CEP112: variants seen among roughly 807,000 people sequenced by gnomAD.
CEP112 encodes the protein centrosomal protein 112.
In CEP112, 127 loss-of-function variants were observed where a neutral mutation model predicts 153.0. That is an observed-to-expected ratio of 0.83 (90% CI 0.72 to 0.96). The LOEUF (loss-of-function observed/expected upper bound fraction) is 0.96, where lower values mean the gene tolerates loss of function less well. Ranked by LOEUF, CEP112 falls within the 40% of genes least tolerant of loss-of-function variation. CEP112 has a pLI of 0.00. For missense variants in CEP112, 1,089 were observed against 1,101.2 expected (o/e 0.99, Z 0.16); for synonymous variants, 358 against 374.4 (o/e 0.96, Z 0.51).
intron 18 of CEP112, among the ~76,000 whole-genome samples, chr17:65,940,191 C>A (rs555079187): frequency 6.6e-6 from 1 of 152,252 alleles, no homozygotes; most frequent in East Asian, 1.9e-4. Flanking sequence ...TGAGATATCA[C>A]TTCACAACTG....
chr17:66,146,252 G>C (rs952055040), intron 4 of CEP112, among the ~76,000 whole-genome samples: 8 of 152,080 alleles, frequency 5.3e-5, no homozygotes, highest in African/African-American at 1.9e-4. Context: ...CTGGGCTTAA[G>C]AGATTTGTGA....
At position 65,637,114 on chromosome 17, in the gene CEP112, T is replaced by A; in HGVS notation, c.2864+10A>T. On this transcript the variant is annotated intron_variant, in intron 26 of 26. Coordinates refer to ENST00000535342, the MANE Select transcript of CEP112 (RefSeq NM_001199165.4). ...AATCAGGAGACAAGACACCTGCTTATGGGCTGTACCTTCTGCCTTGATATG... is the reference window on the plus strand; with the variant it reads ...AATCAGGAGACAAGACACCTGCTTAAGGGCTGTACCTTCTGCCTTGATATG... 1.2e-6 allele frequency: 2 copies of A among 1,611,346 alleles called. No homozygotes were observed. Among genetic ancestry groups the A allele is most frequent in the African/African-American group, 2.7e-5 (2 of 75,006 alleles).
chr17:65,756,930 C>T (rs992684069), intron 21 of CEP112, among the ~76,000 whole-genome samples: 1 of 152,078 alleles, frequency 6.6e-6, no homozygotes, highest in Non-Finnish European at 1.5e-5. Context: ...TATGTTGCAA[C>T]CCTAAACCCC....
chr17:65,675,750 T>C (rs998748865), intron 24 of CEP112, among the ~76,000 whole-genome samples: 1 of 151,814 alleles, frequency 6.6e-6, no homozygotes, highest in Non-Finnish European at 1.5e-5. Flanking sequence ...ATGGGATTAA[T>C]TCCATGAATG....
intron 21 of CEP112, chr17:65,826,505 C>A: frequency 7.1e-7 from 1 of 1,412,004 alleles, no homozygotes; most frequent in Non-Finnish European, 9.2e-7. Context: ...AGTGACATCA[C>A]AACCACACTG....
At chr17:66,080,476 C>A (rs938650039) in intron 8 of CEP112, among the ~76,000 whole-genome samples, 5 of 152,142 alleles carry the variant, frequency 3.3e-5, no homozygotes, top group African/African-American at 1.2e-4. Context: ...CCACCTCACA[C>A]CAGTTAGAAT....
At chr17:65,805,784 C>T (rs1252782493) in intron 21 of CEP112, among the ~76,000 whole-genome samples, 1 of 152,110 alleles carries the variant, frequency 6.6e-6, no homozygotes, top group Non-Finnish European at 1.5e-5. Context: ...TTAATCCATC[C>T]ATGGTTTTAG....
At chr17:65,684,697 C>T (rs1304997051) in intron 24 of CEP112, among the ~76,000 whole-genome samples, 2 of 152,210 alleles carry the variant, frequency 1.3e-5, no homozygotes, top group African/African-American at 4.8e-5. Context: ...ACCCGAGTGA[C>T]AGATGGCATA....
chr17:65,956,429 C>CACACACACAT lies in CEP112; in HGVS notation c.1872+5033_1872+5034insATGTGTGTGT, dbSNP rs2062006517. Among the ~76,000 whole-genome samples the CACACACACAT allele has an allele frequency of 1.3e-5, 2 of 151,926 alleles. 1 individual carries two copies. Among genetic ancestry groups the CACACACACAT allele is most frequent in the South Asian group, 4.2e-4 (2 of 4,818 alleles). On this transcript the variant is annotated intron_variant, in intron 18 of 26. Coordinates refer to ENST00000535342, the MANE Select transcript of CEP112 (RefSeq NM_001199165.4). The stretch of plus-strand genomic sequence containing the variant: ...ATACATACACACACACACACACACA[C>CACACACACAT]ACACACCATGGAATACTACTTGGTC...
chr17:66,129,688 C>A (rs141085401), intron 6 of CEP112, 58 bp downstream of exon 6: 4 of 1,155,902 alleles, frequency 3.5e-6, no homozygotes, highest in Non-Finnish European at 5.1e-6. Flanking sequence ...AGATATTATA[C>A]ACATACAATA....
intron 20 of CEP112, among the ~76,000 whole-genome samples, chr17:65,867,705 AAGG>A (rs1459130455): frequency 1.3e-5 from 2 of 152,148 alleles, no homozygotes; most frequent in Admixed American, 6.5e-5. Flanking sequence ...TCTAAATAAT[AAGG>A]AGTTTATTAT....
chr17:66,070,024 G>A (rs771264172), intron 8 of CEP112, 23 bp from the exon 9 acceptor site: 27 of 1,439,222 alleles, frequency 1.9e-5, no homozygotes, highest in Non-Finnish European at 2.5e-5. Flanking sequence ...TATTTCAAGG[G>A]TGTTATTAAT....
At position 66,173,308 on chromosome 17, in the gene CEP112, A is replaced by G. The variant is rs184473386; in HGVS notation, c.470+1736T>C. Among the ~76,000 whole-genome samples, 161 of 152,334 alleles carry G rather than the reference A, an allele frequency of 1.1e-3. 1 individual carries two copies. The highest frequency in any genetic ancestry group is 3.8e-3 in the African/African-American group (156 of 41,582). On this transcript the variant is annotated intron_variant, in intron 4 of 26. Transcript: ENST00000535342. ...GCTCCAACATATGGCTGTCTCTTAGAAAGATTTCTAGGTGTCCAGTTTTAA... is the reference window on the plus strand; with the variant it reads ...GCTCCAACATATGGCTGTCTCTTAGGAAGATTTCTAGGTGTCCAGTTTTAA...
intron 24 of CEP112, among the ~76,000 whole-genome samples, chr17:65,682,153 C>G (rs1218254694): frequency 2.6e-5 from 4 of 151,906 alleles, no homozygotes; most frequent in African/African-American, 7.3e-5. Context: ...GCCACCGCGC[C>G]CAGCTAATTT....
chr17:65,979,676 CTA>C (rs937454462), intron 17 of CEP112, among the ~76,000 whole-genome samples: 45 of 152,092 alleles, frequency 3.0e-4, no homozygotes, highest in African/African-American at 1.1e-3. Context: ...AGTAATTTAG[CTA>C]TTATTTTCAA....
rs115453275 is a variant in CEP112, at chr17:66,138,193, A to T, written c.471-5430T>A. Among the ~76,000 whole-genome samples the T allele has an allele frequency of 1.8e-3, 268 of 152,316 alleles. 1 individual carries two copies. Among genetic ancestry groups the T allele is most frequent in the African/African-American group, 6.0e-3 (250 of 41,566 alleles). Reference sequence around the variant, plus strand: ...TAAAATTAGTTTATATAGCAGGAAGAACTGTAACTACCTGTGGGAAAACAG... The same window carrying T: ...TAAAATTAGTTTATATAGCAGGAAGTACTGTAACTACCTGTGGGAAAACAG... On this transcript the variant is annotated intron_variant, in intron 4 of 26. Coordinates refer to ENST00000535342, the MANE Select transcript of CEP112 (RefSeq NM_001199165.4).
chr17:65,871,305 C>T (rs1002615399), intron 20 of CEP112, among the ~76,000 whole-genome samples: 20 of 152,118 alleles, frequency 1.3e-4, no homozygotes, highest in Non-Finnish European at 1.9e-4. Flanking sequence ...ATCATGTGCA[C>T]GTTTTGGTGC....
intron 22 of CEP112, among the ~76,000 whole-genome samples, chr17:65,745,342 T>C (rs941066119): frequency 3.3e-5 from 5 of 152,246 alleles, no homozygotes; most frequent in South Asian, 4.1e-4. Context: ...TTCTGAATTT[T>C]GATTAAATAT....
At chr17:65,667,913 T>C (rs1273777533) in intron 24 of CEP112, among the ~76,000 whole-genome samples, 2 of 138,334 alleles carry the variant, frequency 1.4e-5, no homozygotes, top group African/African-American at 2.8e-5. Flanking sequence ...TTTTTTTTTT[T>C]CGAGACTGAG....
Sources: allele counts gnomAD v4.1 joint callset (sites outside exome capture counted in the v4.1 genomes callset), GRCh38; gene constraint gnomAD v4.1.1; transcripts MANE v1.5; gene names NCBI Gene and HGNC (gene_info 2026-07-23, HGNC 2026-07-21).